PVT1: variants seen among roughly 807,000 people sequenced by gnomAD.
The protein encoded by PVT1 is Pvt1 oncogene.
intron 4 of PVT1, among the ~76,000 whole-genome samples, chr8:128,052,937 C>T (rs1409443216): frequency 6.6e-6 from 1 of 152,244 alleles, no homozygotes; most frequent in African/African-American, 2.4e-5. Flanking sequence ...TTTTAAACCT[C>T]ACAGTGGCTC....
chr8:127,921,310 C>T lies in PVT1; in HGVS notation n.782+30312C>T, dbSNP rs1816054053. 2.0e-5 allele frequency among the ~76,000 whole-genome samples: 3 copies of T among 149,364 alleles called. 1 individual carries two copies. In the South Asian group the frequency reaches 6.5e-4, roughly 32 times the overall value. ...AAAGGAAAGATGATGTCTCTCTATG[C>T]AAATCAAGGGAAAGTGATTTAAAAA... On this transcript the variant is annotated intron_variant and non_coding_transcript_variant, in intron 3 of 10. Coordinates refer to ENST00000651587, the Ensembl canonical transcript of PVT1.
chr8:128,038,455 C>G (rs897946775), intron 4 of PVT1, among the ~76,000 whole-genome samples: 2 of 152,024 alleles, frequency 1.3e-5, no homozygotes, highest in Non-Finnish European at 2.9e-5. Context: ...GTGAGGGAGG[C>G]TAAGAAAGAA....
intron 2 of PVT1, among the ~76,000 whole-genome samples, chr8:127,841,254 A>G (rs2129715587): frequency 6.6e-6 from 1 of 152,232 alleles, no homozygotes; most frequent in South Asian, 2.1e-4. Context: ...GGTAGGTACT[A>G]TTAGCCCCAT....
chr8:128,085,248 G>A (rs1814241578), intron 5 of PVT1, among the ~76,000 whole-genome samples: 1 of 152,112 alleles, frequency 6.6e-6, no homozygotes, highest in African/African-American at 2.4e-5. Context: ...GGATGCACAT[G>A]TAGGCCCTCT....
intron 3 of PVT1, among the ~76,000 whole-genome samples, chr8:127,964,266 A>C (rs1418093934): frequency 6.6e-6 from 1 of 152,200 alleles, no homozygotes; most frequent in East Asian, 1.9e-4. Flanking sequence ...ATGCACCTGG[A>C]TGTCAGAGTG....
chr8:127,973,680 G>GAAA (rs34973809), intron 3 of PVT1, among the ~76,000 whole-genome samples: 139 of 143,652 alleles, frequency 9.7e-4, no homozygotes, highest in African/African-American at 3.3e-3. Flanking sequence ...TTGCCTTTTT[G>GAAA]AAAAAAAAAA....
At chr8:127,935,106 A>G (rs984261956) in intron 3 of PVT1, among the ~76,000 whole-genome samples, 35 of 152,180 alleles carry the variant, frequency 2.3e-4, no homozygotes, top group African/African-American at 6.5e-4. Flanking sequence ...AGCTGGGATT[A>G]CAGGCATGCA....
chr8:127,937,580 C>CACACACACAGAG (rs59006608), intron 3 of PVT1, among the ~76,000 whole-genome samples: 4 of 107,792 alleles, frequency 3.7e-5, no homozygotes, highest in African/African-American at 1.5e-4. Context: ...CACACACACA[C>CACACACACAGAG]AGAGAGAGAG....
At chr8:127,801,132 G>A (rs974150175) in intron 2 of PVT1, among the ~76,000 whole-genome samples, 6 of 152,332 alleles carry the variant, frequency 3.9e-5, no homozygotes, top group Non-Finnish European at 7.3e-5. Flanking sequence ...AGGGAGGTAG[G>A]AGAACCCGAG....
chr8:128,005,580 A>C (rs750876488), intron 4 of PVT1, among the ~76,000 whole-genome samples: 5 of 152,098 alleles, frequency 3.3e-5, no homozygotes, highest in Non-Finnish European at 4.4e-5. Flanking sequence ...GACTTAGTTA[A>C]ACCTCAGAAC....
intron 4 of PVT1, among the ~76,000 whole-genome samples, chr8:128,006,563 A>G (rs2130027714): frequency 6.6e-6 from 1 of 152,220 alleles, no homozygotes; most frequent in South Asian, 2.1e-4. Context: ...CTTGTTTCTC[A>G]TCACACTTTC....
intron 2 of PVT1, among the ~76,000 whole-genome samples, chr8:127,858,286 A>G (rs1180311377): frequency 2.0e-5 from 3 of 152,142 alleles, no homozygotes; most frequent in East Asian, 3.8e-4. Context: ...GGGTGCCTGT[A>G]ATCCCAGCTA....
intron 3 of PVT1, among the ~76,000 whole-genome samples, chr8:127,967,610 G>A (rs569918495): frequency 1.4e-4 from 22 of 152,286 alleles, no homozygotes; most frequent in Admixed American, 2.0e-4. Flanking sequence ...ATAAGGCCTC[G>A]TCAGGAAAGG....
intron 4 of PVT1, among the ~76,000 whole-genome samples, chr8:128,035,729 T>G (rs1268930084): frequency 6.6e-6 from 1 of 152,214 alleles, no homozygotes; most frequent in Non-Finnish European, 1.5e-5. Flanking sequence ...CACAAATAGT[T>G]ACTTATTAGT....
chr8:127,937,580 C>CACAGAGAGAGAGAGAGAG (rs59006608), intron 3 of PVT1, among the ~76,000 whole-genome samples: 1 of 107,794 alleles, frequency 9.3e-6, no homozygotes, highest in African/African-American at 3.7e-5. Flanking sequence ...CACACACACA[C>CACAGAGAGAGAGAGAGAG]AGAGAGAGAG....
intron 4 of PVT1, among the ~76,000 whole-genome samples, chr8:128,063,138 C>T (rs2130124044): frequency 6.6e-6 from 1 of 152,296 alleles, no homozygotes; most frequent in South Asian, 2.1e-4. Context: ...TCTTTCCTGG[C>T]ACCATGAAAA....
chr8:128,038,484 GTGA>G (rs1813490569), intron 4 of PVT1, among the ~76,000 whole-genome samples: 1 of 152,224 alleles, frequency 6.6e-6, no homozygotes, highest in South Asian at 2.1e-4. Context: ...ATTTCCAGCA[GTGA>G]TAAGTCCTAA....
intron 3 of PVT1, among the ~76,000 whole-genome samples, chr8:127,944,427 T>A (rs2129913346): frequency 6.6e-6 from 1 of 152,320 alleles, no homozygotes; most frequent in Admixed American, 6.5e-5. Context: ...CCAGCTTTCA[T>A]ACTTTCAGGT....
chr8:128,033,315 G>A (rs970373835), intron 4 of PVT1, among the ~76,000 whole-genome samples: 1 of 152,162 alleles, frequency 6.6e-6, no homozygotes, highest in Non-Finnish European at 1.5e-5. Context: ...GTTCCCATGT[G>A]TGTGTGCATG....
Sources: allele counts gnomAD v4.1 joint callset (sites outside exome capture counted in the v4.1 genomes callset), GRCh38; gene constraint gnomAD v4.1.1; transcripts MANE v1.5; gene names NCBI Gene and HGNC (gene_info 2026-07-23, HGNC 2026-07-21).